LRP2: variants seen among roughly 807,000 people sequenced by gnomAD.
LRP2 encodes LDL receptor related protein 2.
LRP2 carries 172 observed loss-of-function variants against 531.0 expected under a neutral mutation model. The ratio of observed to expected loss-of-function variants is 0.32; its 90% CI spans 0.29 to 0.37. LRP2 has a LOEUF of 0.37. LRP2 is among the 10% of genes least tolerant of loss of function. The pLI is 1.00. For synonymous variants in LRP2, 1,992 were observed against 2,027.6 expected, an observed-to-expected ratio of 0.98 and a Z score of 0.47; for missense variants, 5,167 against 5,868.3, an observed-to-expected ratio of 0.88 and a Z score of 3.90.
rs547983653 is a variant in LRP2, at chr2:169,336,794, G to A, written c.80-15910C>T. On this transcript the variant is annotated intron_variant, in intron 1 of 78. Transcript: ENST00000649046. ...GAAACAAGCCCTCTTGTCCACAACC[G>A]TTTGGCTATCCTCAAGCAAGCCAAT... Among the ~76,000 whole-genome samples, 32 of 152,216 alleles carry A rather than the reference G, an allele frequency of 2.1e-4. 1 individual carries two copies. In the South Asian group the frequency reaches 5.6e-3, roughly 27 times the overall value.
Position 169,213,860 on chromosome 2 carries a change from C to T in LRP2, c.5837G>A (p.Gly1946Glu). ...CATTCGATCTGTTCCATCCACGTTT[C>T]CTCTTTCAATCTAAAGGATTGGAAT... Reference protein sequence around the residue: ...AVTGRGVIERGNVDGTDRMIL... With the variant: ...AVTGRGVIERENVDGTDRMIL... Residue 1946 changes from glycine to glutamate, a missense_variant, in exon 36 of 79, where the codon GGA (glycine) becomes GAA (glutamate). By Grantham distance (98) the Gly-to-Glu change is moderately conservative. Transcript: ENST00000649046. The T allele has an allele frequency of 6.2e-7, 1 of 1,612,800 alleles. No homozygotes were observed. Among genetic ancestry groups the T allele is most frequent in the Non-Finnish European group, 8.5e-7 (1 of 1,179,004 alleles).
At chr2:169,251,695 T>A in intron 19 of LRP2, among the ~76,000 whole-genome samples, 1 of 81,990 alleles carries the variant, frequency 1.2e-5, no homozygotes, top group Non-Finnish European at 2.2e-5. Context: ...AATCAATGAA[T>A]CCAGGAGCTG....
rs147827449 is a variant in LRP2, at chr2:169,314,293, C to T, written c.310+4469G>A. Among the ~76,000 whole-genome samples, 397 of 151,774 alleles carry T rather than the reference C, an allele frequency of 2.6e-3. 2 individuals carry two copies. Among genetic ancestry groups the T allele is most frequent in the African/African-American group, 8.5e-3 (352 of 41,398 alleles). On this transcript the variant is annotated intron_variant, in intron 3 of 78. Coordinates refer to ENST00000649046, the MANE Select transcript of LRP2 (RefSeq NM_004525.3). The stretch of plus-strand genomic sequence containing the variant: ...TGGCTCACTTCCAAGTAGCTGTAGT[C>T]GTAGCTATTTGGAAGGCTGAGGTAG...
chr2:169,327,047 C>A (rs1259437092), intron 1 of LRP2, among the ~76,000 whole-genome samples: 1 of 150,782 alleles, frequency 6.6e-6, no homozygotes, highest in South Asian at 2.1e-4. Flanking sequence ...AAGTGAGGAG[C>A]GTCTCCGCCC....
At chr2:169,165,171 G>A (rs1298110093) in intron 62 of LRP2, among the ~76,000 whole-genome samples, 3 of 152,140 alleles carry the variant, frequency 2.0e-5, no homozygotes, top group African/African-American at 7.2e-5. Context: ...ATAGAAAGTG[G>A]AGAAATCAGG....
chr2:169,170,506 G>A, intron 59 of LRP2, 45 bp downstream of exon 59: 1 of 1,470,736 alleles, frequency 6.8e-7, no homozygotes, highest in Non-Finnish European at 9.5e-7. Flanking sequence ...CCCCTACACT[G>A]TCACAGTACA....
At chr2:169,279,642 A>C in intron 11 of LRP2, 47 bp from the exon 12 acceptor site, 5 of 1,191,728 alleles carry the variant, frequency 4.2e-6, no homozygotes, top group Non-Finnish European at 6.2e-6. Context: ...ATCACTAACT[A>C]CGTGGTTTGT....
chr2:169,181,653 G>A (rs1265165642), intron 51 of LRP2, 35 bp from the exon 52 acceptor site: 2 of 1,598,936 alleles, frequency 1.3e-6, no homozygotes, highest in South Asian at 1.1e-5. Flanking sequence ...AGTCCCTGAT[G>A]CCAAAAGAAG....
At chr2:169,304,618 CT>C (rs1684366730) in intron 4 of LRP2, among the ~76,000 whole-genome samples, 1 of 152,152 alleles carries the variant, frequency 6.6e-6, no homozygotes, top group African/African-American at 2.4e-5. Flanking sequence ...GACCCCTAAA[CT>C]TGCTATTCTG....
chr2:169,171,009 G>A (rs923182620), intron 58 of LRP2, among the ~76,000 whole-genome samples: 1 of 132,510 alleles, frequency 7.5e-6, no homozygotes, highest in East Asian at 2.2e-4. Flanking sequence ...AATCCTCCCT[G>A]CTCAGGCTCC....
chr2:169,146,591 T>C, intron 69 of LRP2, 148 bp downstream of exon 69: 1 of 617,104 alleles, frequency 1.6e-6, no homozygotes, highest in Admixed American at 2.7e-5. Context: ...ATTCAGCAGG[T>C]GGGAGTTGGT....
chr2:169,289,862 T>A (rs892805212), intron 8 of LRP2, among the ~76,000 whole-genome samples: 4 of 151,620 alleles, frequency 2.6e-5, no homozygotes, highest in Admixed American at 1.3e-4. Flanking sequence ...TAAGCTTTTT[T>A]AAATGGGCTC....
intron 1 of LRP2, among the ~76,000 whole-genome samples, chr2:169,328,711 A>C (rs1685189101): frequency 6.6e-6 from 1 of 152,084 alleles, no homozygotes; most frequent in Admixed American, 6.5e-5. Context: ...TAGAAGGGGA[A>C]CCTGAGCCTC....
chr2:169,170,748 C>T, intron 58 of LRP2, 81 bp from the exon 59 acceptor site: 1 of 993,240 alleles, frequency 1.0e-6, no homozygotes, highest in Non-Finnish European at 1.6e-6. Flanking sequence ...CCATAGTGCC[C>T]TGGGTGCCCA....
intron 1 of LRP2, among the ~76,000 whole-genome samples, chr2:169,323,494 C>T (rs895534685): frequency 7.9e-5 from 12 of 152,108 alleles, no homozygotes; most frequent in Non-Finnish European, 1.8e-4. Flanking sequence ...ATAACAATTG[C>T]AGGTGCCCCT....
Position 169,157,432 on chromosome 2 carries a change from T to C in LRP2, c.11958A>G (p.Gly3986=). The C allele has an allele frequency of 6.2e-7, 1 of 1,606,200 alleles. No homozygotes were observed. The highest frequency in any genetic ancestry group is 8.5e-7 in the Non-Finnish European group (1 of 1,173,738). ...EQNCTQLNEG[G]FICSCTAGFE... ...ACCCAGCTGTACAGGAGCAGATAAA[T>C]CCTCCTTCATTTAATTGGGTACAAT... The change falls in exon 64 of 79, where the codon GGA becomes GGG. Residue 3986 remains glycine, a synonymous_variant. Coordinates refer to ENST00000649046, the MANE Select transcript of LRP2 (RefSeq NM_004525.3).
intron 16 of LRP2, among the ~76,000 whole-genome samples, chr2:169,261,349 T>C (rs910078629): frequency 6.6e-6 from 1 of 151,974 alleles, no homozygotes; most frequent in East Asian, 1.9e-4. Context: ...TTTCTTTTTC[T>C]TTAGAGACAG....
chr2:169,361,330 GTCTC>G (rs1405262223), intron 1 of LRP2, among the ~76,000 whole-genome samples: 26 of 32,180 alleles, frequency 8.1e-4, no homozygotes, highest in Non-Finnish European at 6.5e-5. Flanking sequence ...GTCTCTCTCT[GTCTC>G]TCTCTGTCTC....
At chr2:169,277,275 C>T (rs1226148664) in intron 13 of LRP2, among the ~76,000 whole-genome samples, 1 of 150,026 alleles carries the variant, frequency 6.7e-6, no homozygotes, top group South Asian at 2.1e-4. Context: ...GGTAAAAATA[C>T]AATACAAAGA....
Sources: gnomAD v4.1 joint callset for allele counts (sites outside exome capture counted in the v4.1 genomes callset) on GRCh38, gnomAD v4.1.1 for gene constraint, MANE v1.5 for transcripts, NCBI Gene and HGNC (gene_info 2026-07-23, HGNC 2026-07-21) for gene names.